The following DCC variants were observed in gnomAD, a reference collection of about 807,000 sequenced individuals.
The protein encoded by DCC is netrin receptor DCC.
DCC carries 58 observed loss-of-function variants against 172.5 expected under a neutral mutation model. That is an observed-to-expected ratio of 0.34 (90% CI 0.27 to 0.42). The LOEUF is 0.42. Ranked by LOEUF, DCC falls within the 10% of genes least tolerant of loss-of-function variation. DCC has a pLI of 1.00. For synonymous variants in DCC, 709 were observed against 644.5 expected (o/e 1.10, Z -1.52); for missense variants, 1,740 against 1,791.0 (o/e 0.97, Z 0.51).
chr18:53,093,078 T>G (rs1477147304), intron 7 of DCC, among the ~76,000 whole-genome samples: 1 of 152,092 alleles, frequency 6.6e-6, no homozygotes, highest in African/African-American at 2.4e-5. Flanking sequence ...GACCAGGAGT[T>G]TGAGGCCAGC....
chr18:53,514,596 A>T (rs1479055956), intron 27 of DCC, among the ~76,000 whole-genome samples: 1 of 152,210 alleles, frequency 6.6e-6, no homozygotes, highest in Non-Finnish European at 1.5e-5. Flanking sequence ...AATAGACACA[A>T]TAAAAAATGA....
At chr18:53,119,998 A>G (rs1312935160) in intron 7 of DCC, among the ~76,000 whole-genome samples, 2 of 151,904 alleles carry the variant, frequency 1.3e-5, no homozygotes, top group Non-Finnish European at 2.9e-5. Flanking sequence ...TAGAAAAATT[A>G]TATTCAAGTT....
rs553089980 is a variant in DCC, at chr18:52,960,648, G to A, written c.985+35278G>A. 7.2e-5 allele frequency among the ~76,000 whole-genome samples: 11 copies of A among 151,838 alleles called. No homozygotes were observed. The East Asian group carries it at 1.4e-3, about 19-fold the overall frequency. ...CACAACATTGATAGAGGATCAAAGC[G>A]TACCCAACATTATGATATTTCCTTG... On this transcript the variant is annotated intron_variant, in intron 5 of 28. Coordinates refer to ENST00000442544, the MANE Select transcript of DCC (RefSeq NM_005215.4).
chr18:53,427,934 TATAATATATTATAATATATA>T (rs1402126512), intron 21 of DCC, among the ~76,000 whole-genome samples: 3 of 40,998 alleles, frequency 7.3e-5, no homozygotes, highest in Non-Finnish European at 2.1e-4. Flanking sequence ...TATAATATAA[TATAATATATTATAATATATA>T]ATATAATAAT....
At position 53,437,376 on chromosome 18, in the gene DCC, C is replaced by T. The variant is rs906687802; in HGVS notation, c.3229+2167C>T. Among the ~76,000 whole-genome samples, 4 of 151,944 alleles carry T rather than the reference C, an allele frequency of 2.6e-5. 1 individual carries two copies. In the East Asian group the frequency reaches 5.9e-4, roughly 22 times the overall value. Reference sequence around the variant, plus strand: ...CGGGCAGATCACGAGGTCAGGAAATCGAGACCATCCTGGCTAACACGGTGA... The same window carrying T: ...CGGGCAGATCACGAGGTCAGGAAATTGAGACCATCCTGGCTAACACGGTGA... On this transcript the variant is annotated intron_variant, in intron 22 of 28. Transcript: ENST00000442544.
At chr18:52,830,951 T>G (rs1415078169) in intron 2 of DCC, among the ~76,000 whole-genome samples, 1 of 152,086 alleles carries the variant, frequency 6.6e-6, no homozygotes, top group African/African-American at 2.4e-5. Context: ...TAGAGTTTAT[T>G]AGATGGTTAT....
chr18:53,322,020 T>TCCC (rs767920504), intron 13 of DCC, 27 bp from the exon 14 acceptor site: 1 of 1,291,132 alleles, frequency 7.7e-7, no homozygotes, highest in East Asian at 2.3e-5. Flanking sequence ...GTAACTTTCT[T>TCCC]CCCCCCTGTG....
intron 15 of DCC, among the ~76,000 whole-genome samples, chr18:53,346,317 T>C (rs1190393593): frequency 6.6e-6 from 1 of 152,190 alleles, no homozygotes; most frequent in Non-Finnish European, 1.5e-5. Context: ...GCTTATTAAA[T>C]CTGTAAATTT....
chr18:52,622,741 G>A (rs984880157), intron 1 of DCC, among the ~76,000 whole-genome samples: 2 of 151,830 alleles, frequency 1.3e-5, no homozygotes, highest in African/African-American at 4.8e-5. Flanking sequence ...GTATCCACAT[G>A]GCTGGCACCA....
At chr18:52,986,284 C>T (rs969966083) in intron 5 of DCC, among the ~76,000 whole-genome samples, 1 of 152,116 alleles carries the variant, frequency 6.6e-6, no homozygotes, top group Non-Finnish European at 1.5e-5. Flanking sequence ...AGAGTAGTAT[C>T]ATAATTTTAG....
intron 1 of DCC, among the ~76,000 whole-genome samples, chr18:52,597,510 A>G (rs1007999901): frequency 7.8e-6 from 1 of 128,046 alleles, no homozygotes. Context: ...AGGTAGTTTA[A>G]GCAATTTTTT....
chr18:53,008,847 GT>G (rs2041685499), intron 5 of DCC, among the ~76,000 whole-genome samples: 1 of 151,920 alleles, frequency 6.6e-6, no homozygotes. Flanking sequence ...TTTTAAACAG[GT>G]TACAAATGAA....
intron 1 of DCC, among the ~76,000 whole-genome samples, chr18:52,680,125 G>T (rs1257041445): frequency 1.3e-5 from 2 of 152,092 alleles, no homozygotes; most frequent in Non-Finnish European, 2.9e-5. Flanking sequence ...TGCCCATTGG[G>T]TTCTTGGGAC....
intron 12 of DCC, among the ~76,000 whole-genome samples, chr18:53,248,602 C>T (rs1400438209): frequency 2.0e-5 from 3 of 151,996 alleles, no homozygotes; most frequent in Non-Finnish European, 4.4e-5. Context: ...CCAGAGCTGG[C>T]TCCTGTCATG....
chr18:53,445,577 G>A (rs1912546508), intron 22 of DCC, among the ~76,000 whole-genome samples: 1 of 152,154 alleles, frequency 6.6e-6, no homozygotes, highest in South Asian at 2.1e-4. Context: ...GTCTATCAAT[G>A]AGCTTGCTGC....
intron 9 of DCC, among the ~76,000 whole-genome samples, chr18:53,198,473 GAC>G (rs2055484077): frequency 1.3e-5 from 2 of 150,958 alleles, no homozygotes; most frequent in Admixed American, 6.6e-5. Context: ...CACACATACA[GAC>G]ACACACATGC....
chr18:53,206,326 GTAA>G, intron 10 of DCC, among the ~76,000 whole-genome samples: 1 of 83,200 alleles, frequency 1.2e-5, no homozygotes, highest in Non-Finnish European at 2.3e-5. Flanking sequence ...TATATGTATT[GTAA>G]CACATATATG....
intron 8 of DCC, among the ~76,000 whole-genome samples, chr18:53,162,309 A>AG (rs935045608): frequency 5.3e-5 from 8 of 151,852 alleles, no homozygotes; most frequent in Non-Finnish European, 8.8e-5. Context: ...AAAAAAAAAA[A>AG]AAAAAATTAA....
chr18:52,808,704 C>T (rs1264081435), intron 2 of DCC, among the ~76,000 whole-genome samples: 3 of 152,178 alleles, frequency 2.0e-5, no homozygotes, highest in African/African-American at 7.2e-5. Context: ...GTACGGACTC[C>T]TTGCTTTAAT....
Sources: gnomAD v4.1 joint callset for allele counts (sites outside exome capture counted in the v4.1 genomes callset) on GRCh38, gnomAD v4.1.1 for gene constraint, MANE v1.5 for transcripts, NCBI Gene and HGNC (gene_info 2026-07-23, HGNC 2026-07-21) for gene names.